The following OR14A2 variants were observed in gnomAD, a reference collection of about 807,000 sequenced individuals.
OR14A2 encodes the protein olfactory receptor family 14 subfamily A member 2.
For missense variants in OR14A2, 237 were observed against 152.9 expected (o/e 1.55, Z -2.90); for synonymous variants, 114 against 58.6 (o/e 1.95, Z -4.32).
chr1:247,746,456 G>A, the OR14A2 span: 2 of 152,320 alleles, frequency 1.3e-5, no homozygotes, highest in South Asian at 4.1e-4. Flanking sequence ...TATGGAGAAG[G>A]ATTACTGTAT....
upstream of OR14A2, among the ~76,000 whole-genome samples, chr1:247,726,914 C>T (rs1172155058): frequency 2.1e-3 from 298 of 141,514 alleles, 1 homozygote; most frequent in African/African-American, 7.8e-3. Context: ...GTACCAGTAC[C>T]ATGCTGTTTT....
At chr1:247,725,509 A>G (rs1017973171), upstream of OR14A2, among the ~76,000 whole-genome samples, 40 of 150,184 alleles carry the variant, frequency 2.7e-4, no homozygotes, top group African/African-American at 8.8e-4. Context: ...TTATTTATTT[A>G]TTTATTTTTT....
upstream of OR14A2, among the ~76,000 whole-genome samples, chr1:247,725,536 T>A (rs986720790): frequency 3.7e-4 from 56 of 150,846 alleles, no homozygotes; most frequent in African/African-American, 1.3e-3. Context: ...TTATTTTTTT[T>A]ATTTTTTATT....
At chr1:247,725,508 TATTTA>T (rs1660322272), upstream of OR14A2, among the ~76,000 whole-genome samples, 1 of 150,600 alleles carries the variant, frequency 6.6e-6, no homozygotes, top group African/African-American at 2.4e-5. Context: ...TTTATTTATT[TATTTA>T]TTTTTTATTT....
exon 1 of OR14A2, chr1:247,723,522 C>T (rs1401511844): frequency 2.8e-6 from 2 of 717,854 alleles, no homozygotes; most frequent in African/African-American, 1.7e-5. Context: ...CACAGAAAAA[C>T]TGTGGAATCA....
chr1:247,728,608 C>T, upstream of OR14A2, among the ~76,000 whole-genome samples: 1 of 151,978 alleles, frequency 6.6e-6, no homozygotes, highest in Non-Finnish European at 1.5e-5. Context: ...AAAGGGTATT[C>T]AATTAGGAAA....
chr1:247,731,779 T>G, the OR14A2 span, among the ~76,000 whole-genome samples: 12 of 152,256 alleles, frequency 7.9e-5, no homozygotes, highest in African/African-American at 2.9e-4. Flanking sequence ...CATATTTTTT[T>G]TTCTTAATTG....
At chr1:247,746,093 G>T in the OR14A2 span, 1 of 152,214 alleles carries the variant, frequency 6.6e-6, no homozygotes, top group Non-Finnish European at 1.5e-5. Context: ...GCAGCTAAAA[G>T]AATCCAATGA....
chr1:247,745,537 A>C, the OR14A2 span, among the ~76,000 whole-genome samples: 1 of 152,152 alleles, frequency 6.6e-6, no homozygotes, highest in Non-Finnish European at 1.5e-5. Context: ...AGATTGAATA[A>C]AATCTCATGG....
the OR14A2 span, among the ~76,000 whole-genome samples, chr1:247,741,875 A>C: frequency 6.6e-6 from 1 of 152,216 alleles, no homozygotes; most frequent in South Asian, 2.1e-4. Context: ...ACCTACGTGC[A>C]TCAGATGGAG....
chr1:247,728,235 G>C (rs963063227), upstream of OR14A2, among the ~76,000 whole-genome samples: 19 of 152,210 alleles, frequency 1.2e-4, no homozygotes, highest in African/African-American at 4.6e-4. Context: ...ATGATCAAGT[G>C]GGCTTCATCC....
At chr1:247,738,430 T>C in the OR14A2 span, among the ~76,000 whole-genome samples, 1 of 152,204 alleles carries the variant, frequency 6.6e-6, no homozygotes, top group Non-Finnish European at 1.5e-5. Flanking sequence ...TAGACTGATA[T>C]ACCCACAGTT....
At chr1:247,734,909 C>T in the OR14A2 span, among the ~76,000 whole-genome samples, 1,988 of 152,170 alleles carry the variant, frequency 0.013, 35 homozygotes, top group African/African-American at 0.044. Flanking sequence ...AGCAAACTAG[C>T]GAGCAAATAA....
the OR14A2 span, among the ~76,000 whole-genome samples, chr1:247,735,981 A>G: frequency 2.0e-5 from 3 of 151,784 alleles, no homozygotes; most frequent in Admixed American, 6.6e-5. Context: ...ACTGTTTGGG[A>G]AAGCATTCTC....
the OR14A2 span, among the ~76,000 whole-genome samples, chr1:247,735,767 T>C: frequency 1.3e-5 from 2 of 152,056 alleles, no homozygotes; most frequent in African/African-American, 2.4e-5. Context: ...ATCAAAATCG[T>C]CGTGAGTTTA....
At chr1:247,723,070 C>G (rs1390986615), downstream of OR14A2, 1 of 683,070 alleles carries the variant, frequency 1.5e-6, no homozygotes, top group Admixed American at 2.2e-5. Context: ...ATCTGTAAGG[C>G]ACTGTATCAC....
chr1:247,746,167 TCTTAA>T, the OR14A2 span: 3 of 152,268 alleles, frequency 2.0e-5, no homozygotes, highest in South Asian at 6.2e-4. Flanking sequence ...TAGTTGGATG[TCTTAA>T]CTTCTGTAAC....
chr1:247,724,064 T>G (rs183386498), upstream of OR14A2: 640 of 663,510 alleles, frequency 9.6e-4, 4 homozygotes, highest in African/African-American at 0.011. Context: ...CTTCAGTGCC[T>G]GTCAAGGTGA....
exon 1 of OR14A2, chr1:247,723,931 A>G: frequency 1.4e-6 from 1 of 717,188 alleles, no homozygotes; most frequent in Non-Finnish European, 2.6e-6. Context: ...AAGGTTACTC[A>G]TTAGGGCTGC....
Sources: gnomAD v4.1 joint callset for allele counts (sites outside exome capture counted in the v4.1 genomes callset) on GRCh38, gnomAD v4.1.1 for gene constraint, MANE v1.5 for transcripts, NCBI Gene and HGNC (gene_info 2026-07-23, HGNC 2026-07-21) for gene names.